Variants in ACSM3 observed in about 807,000 individuals in gnomAD.
ACSM3 encodes acyl-CoA synthetase medium chain family member 3, also known as acyl-coenzyme A synthetase ACSM3, mitochondrial.
In ACSM3, 61 loss-of-function variants were observed where a neutral mutation model predicts 74.1. The ratio of observed to expected loss-of-function variants is 0.82; its 90% CI spans 0.67 to 1.02. The LOEUF (loss-of-function observed/expected upper bound fraction) is 1.02, where lower values mean the gene tolerates loss of function less well. Ranked by LOEUF, ACSM3 falls within the 50% of genes least tolerant of loss-of-function variation. The pLI is 0.00. For missense variants in ACSM3, 660 were observed against 697.0 expected, an observed-to-expected ratio of 0.95 and a Z score of 0.60; for synonymous variants, 213 against 241.5, an observed-to-expected ratio of 0.88 and a Z score of 1.09.
At chr16:20,792,900 T>C (rs1030922016) in intron 12 of ACSM3, among the ~76,000 whole-genome samples, 11 of 152,212 alleles carry the variant, frequency 7.2e-5, no homozygotes, top group African/African-American at 2.4e-4. Context: ...AAAAGTACCA[T>C]GCCAGGCAGC....
intron 1 of ACSM3, among the ~76,000 whole-genome samples, chr16:20,746,580 C>T (rs2079958855): frequency 6.6e-6 from 1 of 152,222 alleles, no homozygotes; most frequent in African/African-American, 2.4e-5. Context: ...GAATGACATC[C>T]CACCTTTCAC....
At chr16:20,713,878 C>T (rs952496196) in intron 1 of ACSM3, among the ~76,000 whole-genome samples, 5 of 152,178 alleles carry the variant, frequency 3.3e-5, no homozygotes, top group Middle Eastern at 3.2e-3. Flanking sequence ...GAAGGGAAAG[C>T]TGTCTCATTG....
At chr16:20,767,581 A>G (rs932111196) in intron 1 of ACSM3, among the ~76,000 whole-genome samples, 1 of 151,818 alleles carries the variant, frequency 6.6e-6, no homozygotes, top group Non-Finnish European at 1.5e-5. Flanking sequence ...CCAATCCCCA[A>G]TGCCAAACAG....
chr16:20,690,977 C>T lies in ACSM3; in HGVS notation c.-190+16155C>T, dbSNP rs2079642311. ...GAGGCCACCCTTGTTCTTATATCGC[C>T]ATCACGGCAGATCTCTTACCTTCTC... On this transcript the variant is annotated intron_variant, in intron 1 of 3. Coordinates refer to the ACSM3 transcript ENST00000561584. 1.9e-6 allele frequency: 3 copies of T among 1,600,276 alleles called. No homozygotes were observed. In the East Asian group the frequency reaches 6.8e-5, roughly 36 times the overall value.
At chr16:20,687,952 G>T (rs2079583085) in intron 1 of ACSM3, among the ~76,000 whole-genome samples, 1 of 151,934 alleles carries the variant, frequency 6.6e-6, no homozygotes, top group Non-Finnish European at 1.5e-5. Context: ...AGGCATAGTT[G>T]CATGCACCTG....
chr16:20,748,975 C>G lies in ACSM3; in HGVS notation c.-189-935C>G, dbSNP rs2079969988. ...GCTGAAGTAGAAGAATCATTTGAACCCAGGAAATGGAGGTTCAATGAGCCA... is the reference window on the plus strand; with the variant it reads ...GCTGAAGTAGAAGAATCATTTGAACGCAGGAAATGGAGGTTCAATGAGCCA... On this transcript the variant is annotated intron_variant, in intron 1 of 3. Transcript: ENST00000561584. Among the ~76,000 whole-genome samples, 4 of 152,006 alleles carry G rather than the reference C, an allele frequency of 2.6e-5. No individual in the cohort carries two copies. The South Asian group carries it at 8.3e-4, about 32-fold the overall frequency.
intron 1 of ACSM3, among the ~76,000 whole-genome samples, chr16:20,688,789 A>G (rs1277798835): frequency 6.6e-6 from 1 of 152,010 alleles, no homozygotes; most frequent in East Asian, 1.9e-4. Context: ...AAGGTGAAAT[A>G]AAAGAATGCT....
intron 1 of ACSM3, among the ~76,000 whole-genome samples, chr16:20,745,102 T>G (rs2079952287): frequency 6.6e-6 from 1 of 152,238 alleles, no homozygotes; most frequent in South Asian, 2.1e-4. Context: ...CGTCCAGCTC[T>G]AAATAACTCA....
chr16:20,787,180 AT>A (rs1212449314), intron 9 of ACSM3, among the ~76,000 whole-genome samples: 2 of 152,252 alleles, frequency 1.3e-5, no homozygotes, highest in Non-Finnish European at 2.9e-5. Context: ...TGATAGGGTT[AT>A]GTCCCAAAAT....
At chr16:20,788,990 T>C (rs2080534295) in intron 9 of ACSM3, among the ~76,000 whole-genome samples, 1 of 152,242 alleles carries the variant, frequency 6.6e-6, no homozygotes, top group Non-Finnish European at 1.5e-5. Context: ...AGTATTATAC[T>C]TATTCTCCAT....
intron 1 of ACSM3, among the ~76,000 whole-genome samples, chr16:20,708,791 A>G (rs546059776): frequency 2.0e-5 from 3 of 152,392 alleles, no homozygotes; most frequent in Admixed American, 1.3e-4. Context: ...TGGAACCACG[A>G]AAGATCTCAA....
At chr16:20,711,736 C>A in intron 1 of ACSM3, 1 of 411,012 alleles carries the variant, frequency 2.4e-6, no homozygotes, top group Non-Finnish European at 4.7e-6. Flanking sequence ...ATTATTGCTA[C>A]ATCTTGGAAT....
intron 1 of ACSM3, among the ~76,000 whole-genome samples, chr16:20,724,536 C>T (rs369197427): frequency 6.6e-6 from 1 of 152,134 alleles, no homozygotes; most frequent in Non-Finnish European, 1.5e-5. Flanking sequence ...CCAGGGCAAT[C>T]AGGCAGGAGA....
intron 1 of ACSM3, among the ~76,000 whole-genome samples, chr16:20,748,884 T>C (rs1276037490): frequency 6.6e-6 from 1 of 152,048 alleles, no homozygotes; most frequent in African/African-American, 2.4e-5. Flanking sequence ...AAACCCCATC[T>C]CTACTAAAAA....
chr16:20,780,631 TG>T, intron 4 of ACSM3, 82 bp from the exon 5 acceptor site: 1 of 1,613,394 alleles, frequency 6.2e-7, no homozygotes, highest in Non-Finnish European at 8.5e-7. Context: ...GAGGTTCAAG[TG>T]GAGAGCTTCT....
chr16:20,675,501 C>A (rs2020220793), intron 1 of ACSM3, among the ~76,000 whole-genome samples: 1 of 151,972 alleles, frequency 6.6e-6, no homozygotes, highest in Non-Finnish European at 1.5e-5. Flanking sequence ...GTCTGGTGGA[C>A]CTTAGAGTGA....
At chr16:20,712,522 G>C (rs1482719287) in intron 1 of ACSM3, among the ~76,000 whole-genome samples, 1 of 152,070 alleles carries the variant, frequency 6.6e-6, no homozygotes, top group Non-Finnish European at 1.5e-5. Flanking sequence ...ATGAATATGT[G>C]AGAAAGTGTT....
chr16:20,725,403 C>G (rs924058010), intron 1 of ACSM3: 1 of 245,002 alleles, frequency 4.1e-6, no homozygotes, highest in Admixed American at 4.1e-5. Context: ...GCAGCCCTCC[C>G]ACCATGTACT....
In ACSM3 at chr16:20,781,038, T is replaced by C. The variant is rs1257469219; in HGVS notation, c.847T>C (p.Ser283Pro). Reference sequence around the variant, plus strand: ...TACCTCAGATACGGGCTGGGCAAAGTCTGCATGGAGTAGTGTTTTTTCTCC... The same window carrying C: ...TACCTCAGATACGGGCTGGGCAAAGCCTGCATGGAGTAGTGTTTTTTCTCC... Reference protein sequence around the residue: ...WNTSDTGWAKSAWSSVFSPWI... With the variant: ...WNTSDTGWAKPAWSSVFSPWI... The change falls in exon 6 of 14, where the codon TCT becomes CCT. Residue 283 changes from serine to proline, a missense_variant. Coordinates refer to ENST00000289416, the MANE Select transcript of ACSM3 (RefSeq NM_005622.4). 2 of 1,614,210 alleles carry C rather than the reference T, an allele frequency of 1.2e-6. No individual in the cohort carries two copies. The highest frequency in any genetic ancestry group is 1.7e-6 in the Non-Finnish European group (2 of 1,180,034).
Sources: gnomAD v4.1 joint callset for allele counts (sites outside exome capture counted in the v4.1 genomes callset) on GRCh38, gnomAD v4.1.1 for gene constraint, MANE v1.5 for transcripts, NCBI Gene and HGNC (gene_info 2026-07-23, HGNC 2026-07-21) for gene names.